The following TMEFF2 variants were observed in gnomAD, a reference collection of about 807,000 sequenced individuals.
The protein encoded by TMEFF2 is transmembrane protein with EGF like and two follistatin like domains 2.
Under a neutral mutation model 53.8 loss-of-function variants are expected in TMEFF2, and 28 were observed. The ratio of observed to expected loss-of-function variants is 0.52; its 90% CI spans 0.39 to 0.71. TMEFF2 has a LOEUF of 0.71. Among genes scored for constraint, TMEFF2 ranks in the 30% least tolerant of loss-of-function variants. The pLI is 0.00. For missense variants in TMEFF2, 353 were observed against 455.2 expected (o/e 0.78, Z 2.04); for synonymous variants, 162 against 166.3 (o/e 0.97, Z 0.20).
At position 192,191,900 on chromosome 2, in the gene TMEFF2, T is replaced by C; in HGVS notation, c.262A>G (p.Thr88Ala). The change falls in exon 2 of 10, where the codon ACT becomes GCT. Residue 88 changes from threonine to alanine, a missense_variant. This residue lies in a region of TMEFF2 where 294 missense variants were observed against 397.3 expected (regional missense o/e 0.74). Coordinates refer to ENST00000272771, the MANE Select transcript of TMEFF2 (RefSeq NM_016192.4). Reference sequence around the variant, plus strand: ...CTTACCTTGAACTGACAGACGCAAGTCACAGTGTCTCCAATTCTTAAACAT... The same window carrying C: ...CTTACCTTGAACTGACAGACGCAAGCCACAGTGTCTCCAATTCTTAAACAT... The part of the protein sequence containing the change: ...GECLRIGDTV[T>A]CVCQFKCNND... 2 of 1,612,406 alleles carry C rather than the reference T, an allele frequency of 1.2e-6. No individual in the cohort carries two copies. The highest frequency in any genetic ancestry group is 2.2e-5 in the East Asian group (1 of 44,828).
intron 4 of TMEFF2, among the ~76,000 whole-genome samples, chr2:192,155,540 G>A (rs1000071896): frequency 1.3e-5 from 2 of 151,960 alleles, no homozygotes; most frequent in African/African-American, 4.8e-5. Context: ...TAGGATTGCT[G>A]TATTTGGAAT....
chr2:191,964,927 C>A (rs191946903), intron 7 of TMEFF2, among the ~76,000 whole-genome samples: 1 of 152,164 alleles, frequency 6.6e-6, no homozygotes, highest in African/African-American at 2.4e-5. Flanking sequence ...TGATACCACC[C>A]AGTTCTTGTT....
chr2:192,159,309 A>C (rs1690580340), intron 4 of TMEFF2, among the ~76,000 whole-genome samples: 1 of 152,126 alleles, frequency 6.6e-6, no homozygotes, highest in Non-Finnish European at 1.5e-5. Flanking sequence ...ATCAGGGACT[A>C]ATTCTTCATT....
chr2:192,193,800 A>AGGGAGG, intron 1 of TMEFF2, among the ~76,000 whole-genome samples: 1 of 146,068 alleles, frequency 6.8e-6, no homozygotes, highest in African/African-American at 2.6e-5. Flanking sequence ...AGAGAGAGAG[A>AGGGAGG]GAGAGAGAAA....
At chr2:192,113,263 T>C (rs1014319423) in intron 4 of TMEFF2, among the ~76,000 whole-genome samples, 9 of 152,294 alleles carry the variant, frequency 5.9e-5, no homozygotes, top group African/African-American at 1.9e-4. Context: ...CTCCCAGTGA[T>C]TGATAATAAT....
intron 3 of TMEFF2, among the ~76,000 whole-genome samples, chr2:192,182,350 C>T (rs1190145530): frequency 2.0e-5 from 3 of 151,752 alleles, no homozygotes; most frequent in Non-Finnish European, 1.5e-5. Context: ...TTGTTCTCTC[C>T]GTCATTATTC....
Position 191,950,226 on chromosome 2 carries a change from ATCTCTTGTCTTAT to A in TMEFF2, c.*72_*84del, listed in dbSNP as rs1691828964. Reference sequence around the variant, plus strand: ...CACAAATGCAAGGCAACATGTGTAGATCTCTTGTCTTATTCTTTTGTCTATAATACTGTATTGT... The same window carrying A: ...CACAAATGCAAGGCAACATGTGTAGATCTTTTGTCTATAATACTGTATTGT... On this transcript the variant is annotated 3_prime_UTR_variant, in exon 10 of 10. Transcript: ENST00000272771. 6.3e-7 allele frequency: 1 copy of A among 1,581,290 alleles called. No homozygotes were observed. The highest frequency in any genetic ancestry group is 1.8e-5 in the Admixed American group (1 of 56,192).
chr2:191,958,706 T>C (rs1428468072), intron 7 of TMEFF2, among the ~76,000 whole-genome samples: 3 of 152,254 alleles, frequency 2.0e-5, no homozygotes, highest in African/African-American at 7.2e-5. Flanking sequence ...TTGTAAAATC[T>C]GCTAATTAGT....
At chr2:192,044,658 G>A (rs1687570654) in intron 5 of TMEFF2, 1 of 152,250 alleles carries the variant, frequency 6.6e-6, no homozygotes, top group Non-Finnish European at 1.5e-5. Context: ...TGCTTGAAGT[G>A]TCAGTGGTAG....
intron 4 of TMEFF2, among the ~76,000 whole-genome samples, chr2:192,109,745 T>G (rs1329118242): frequency 6.6e-6 from 1 of 152,258 alleles, no homozygotes; most frequent in East Asian, 1.9e-4. Context: ...GATTTTGATA[T>G]GTGCGAAATG....
intron 4 of TMEFF2, among the ~76,000 whole-genome samples, chr2:192,121,101 A>G (rs1392486787): frequency 1.5e-5 from 2 of 133,350 alleles, no homozygotes; most frequent in East Asian, 1.9e-4. Context: ...AAGAGGAAAA[A>G]CAAAACAAAA....
At position 192,194,533 on chromosome 2, in the gene TMEFF2, C is replaced by T. The variant is rs1691557919; in HGVS notation, c.-9G>A. 3 of 1,610,636 alleles carry T rather than the reference C, an allele frequency of 1.9e-6. No individual in the cohort carries two copies. The highest frequency in any genetic ancestry group is 2.5e-6 in the Non-Finnish European group (3 of 1,178,222). On this transcript the variant is annotated 5_prime_UTR_variant, in exon 1 of 10. Coordinates refer to ENST00000272771, the MANE Select transcript of TMEFF2 (RefSeq NM_016192.4). The surrounding 1 kb of genome is among the most constrained non-coding windows in gnomAD (Gnocchi z 4.2). ...GACTCCCACAGCACCATGACTAGTT[C>T]GTGCAACTCTGCAGCAGCAAACGGC...
chr2:192,027,573 A>G (rs1168615923), intron 5 of TMEFF2, among the ~76,000 whole-genome samples: 2 of 152,196 alleles, frequency 1.3e-5, no homozygotes, highest in Non-Finnish European at 2.9e-5. Context: ...GCCTCCTGGT[A>G]TTCATGCCCT....
chr2:192,161,402 C>T lies in TMEFF2; in HGVS notation c.439+18266G>A, dbSNP rs898777393. The stretch of plus-strand genomic sequence containing the variant: ...TCCTGACTTCAAGTGGTCTGCCCTC[C>T]TCGGCCTCCCAAAGTGTTGGGATTA... On this transcript the variant is annotated intron_variant, in intron 4 of 9. Transcript: ENST00000272771. Among the ~76,000 whole-genome samples, 10 of 152,262 alleles carry T rather than the reference C, an allele frequency of 6.6e-5. No homozygotes were observed. In the East Asian group the frequency reaches 1.5e-3, roughly 24 times the overall value.
intron 4 of TMEFF2, among the ~76,000 whole-genome samples, chr2:192,075,050 C>T (rs1214759791): frequency 6.6e-6 from 1 of 151,100 alleles, no homozygotes; most frequent in Non-Finnish European, 1.5e-5. Flanking sequence ...ACAAAGCTGT[C>T]TTCTAATTTA....
At chr2:192,166,259 T>C (rs1391448523) in intron 4 of TMEFF2, among the ~76,000 whole-genome samples, 1 of 152,176 alleles carries the variant, frequency 6.6e-6, no homozygotes, top group African/African-American at 2.4e-5. Flanking sequence ...CCCTCAGGTA[T>C]GGGAATTGTT....
rs538921290 is a variant in TMEFF2, at chr2:191,998,723, G to C, written c.685+337C>G. 5.3e-5 allele frequency among the ~76,000 whole-genome samples: 8 copies of C among 152,034 alleles called. No homozygotes were observed. In the South Asian group the frequency reaches 1.7e-3, roughly 32 times the overall value. ...GAAGTGATTTGCTTTTAGTTTCAAG[G>C]ATGTCTAATAAATTCTTAGATTCGT... On this transcript the variant is annotated intron_variant, in intron 6 of 9. Coordinates refer to ENST00000272771, the MANE Select transcript of TMEFF2 (RefSeq NM_016192.4).
At chr2:191,966,937 A>G (rs1692488519) in intron 7 of TMEFF2, among the ~76,000 whole-genome samples, 1 of 152,114 alleles carries the variant, frequency 6.6e-6, no homozygotes, top group South Asian at 2.1e-4. Flanking sequence ...TTTACTCTTC[A>G]ATAGGCTTTC....
At chr2:191,953,399 A>C (rs1001246463) in intron 9 of TMEFF2, among the ~76,000 whole-genome samples, 2 of 152,232 alleles carry the variant, frequency 1.3e-5, no homozygotes, top group African/African-American at 4.8e-5. Flanking sequence ...ATTCAGATAC[A>C]TAAGGATACT....
Sources: allele counts gnomAD v4.1 joint callset (sites outside exome capture counted in the v4.1 genomes callset), GRCh38; gene constraint gnomAD v4.1.1; regional missense constraint gnomAD v4.1.1; non-coding constraint Gnocchi (gnomAD v3.1); transcripts MANE v1.5; gene names NCBI Gene and HGNC (gene_info 2026-07-23, HGNC 2026-07-21).